The following GPHN variants were observed in gnomAD, a reference collection of about 807,000 sequenced individuals.
GPHN encodes gephyrin.
In GPHN, 17 loss-of-function variants were observed where a neutral mutation model predicts 95.5. The observed-to-expected ratio is 0.18, with a 90% CI of 0.12 to 0.27. GPHN has a LOEUF of 0.27. Ranked by LOEUF, GPHN falls within the 10% of genes least tolerant of loss-of-function variation. The probability of loss-of-function intolerance (pLI) is 1.00; values close to 1 mark genes in which losing one functional copy is unlikely to be tolerated. For synonymous variants in GPHN, 320 were observed against 322.5 expected (o/e 0.99, Z 0.08); for missense variants, 660 against 978.1 (o/e 0.67, Z 4.34).
chr14:66,829,688 A>G (rs1197546640), intron 4 of GPHN, among the ~76,000 whole-genome samples: 1 of 152,186 alleles, frequency 6.6e-6, no homozygotes, highest in Non-Finnish European at 1.5e-5. Context: ...GTATGCTAAT[A>G]TATTATTTTG....
the GPHN span, among the ~76,000 whole-genome samples, chr14:67,632,968 C>G: frequency 6.6e-6 from 1 of 151,520 alleles, no homozygotes; most frequent in East Asian, 1.9e-4. Flanking sequence ...CTACAGGCGC[C>G]CGCCACCACG....
the GPHN span, among the ~76,000 whole-genome samples, chr14:67,602,415 C>T: frequency 3.9e-5 from 6 of 152,046 alleles, no homozygotes; most frequent in African/African-American, 7.3e-5. Flanking sequence ...CACAGAGAGC[C>T]GAACCATATC....
At chr14:67,343,209 C>CTT in the GPHN span, among the ~76,000 whole-genome samples, 598 of 148,218 alleles carry the variant, frequency 4.0e-3, 17 homozygotes, top group East Asian at 0.06. Context: ...CTTCATAACA[C>CTT]TTTTTTTTTT....
chr14:66,723,106 G>A (rs1037785184), intron 2 of GPHN, among the ~76,000 whole-genome samples: 1 of 151,992 alleles, frequency 6.6e-6, no homozygotes, highest in East Asian at 1.9e-4. Context: ...AGGCTTGATT[G>A]CAGTGGCACA....
chr14:67,372,826 CAAAAAA>C, the GPHN span, among the ~76,000 whole-genome samples: 1 of 138,426 alleles, frequency 7.2e-6, no homozygotes, highest in African/African-American at 2.6e-5. Context: ...GACTCCATCT[CAAAAAA>C]AAAAACAAAA....
At chr14:67,697,742 C>A in the GPHN span, among the ~76,000 whole-genome samples, 1 of 152,180 alleles carries the variant, frequency 6.6e-6, no homozygotes, top group Non-Finnish European at 1.5e-5. Flanking sequence ...GGAGCCAAGA[C>A]ACCAAAGGTT....
intron 2 of GPHN, among the ~76,000 whole-genome samples, chr14:66,683,948 C>T (rs1219628856): frequency 6.7e-6 from 1 of 148,976 alleles, no homozygotes; most frequent in East Asian, 2.0e-4. Context: ...CACACTCCAG[C>T]GTGGGCAACA....
the GPHN span, among the ~76,000 whole-genome samples, chr14:67,663,412 G>A: frequency 1.3e-5 from 2 of 152,084 alleles, no homozygotes; most frequent in African/African-American, 4.8e-5. Context: ...GGTGACTCAC[G>A]CCTGTAATCC....
the GPHN span, among the ~76,000 whole-genome samples, chr14:67,500,423 T>G: frequency 1.3e-5 from 2 of 152,018 alleles, no homozygotes; most frequent in African/African-American, 4.8e-5. Flanking sequence ...GCAGGTGAGC[T>G]GAGCTCTCAC....
chr14:67,296,585 CA>C, the GPHN span, among the ~76,000 whole-genome samples: 2,102 of 50,778 alleles, frequency 0.041, 3 homozygotes, highest in Non-Finnish European at 0.11. Flanking sequence ...AACTCTGTCT[CA>C]AAAAAAAAAA....
At chr14:67,723,948 C>G in the GPHN span, among the ~76,000 whole-genome samples, 2 of 152,234 alleles carry the variant, frequency 1.3e-5, no homozygotes, top group South Asian at 4.1e-4. Context: ...GACCCACTCC[C>G]TAAAACTGGA....
intron 3 of GPHN, among the ~76,000 whole-genome samples, chr14:66,799,303 A>C (rs892385410): frequency 6.6e-6 from 1 of 151,966 alleles, no homozygotes; most frequent in African/African-American, 2.4e-5. Context: ...CCATTGTGTG[A>C]AATGATGTGT....
At chr14:67,208,515 T>A in the GPHN span, 7 of 1,507,832 alleles carry the variant, frequency 4.6e-6, no homozygotes, top group Non-Finnish European at 5.4e-6. Context: ...AAATATGTGC[T>A]TTAGTCTCTT....
intron 5 of GPHN, among the ~76,000 whole-genome samples, chr14:66,881,715 T>C (rs983796303): frequency 6.6e-6 from 1 of 151,876 alleles, no homozygotes; most frequent in Non-Finnish European, 1.5e-5. Context: ...TTTCCTGAAT[T>C]AATTTTTTTC....
chr14:67,435,415 C>A, the GPHN span, among the ~76,000 whole-genome samples: 1 of 152,246 alleles, frequency 6.6e-6, no homozygotes. Flanking sequence ...CTCAATACTG[C>A]CACATTGGGG....
chr14:67,193,091 T>C, the GPHN span, among the ~76,000 whole-genome samples: 3 of 144,458 alleles, frequency 2.1e-5, no homozygotes, highest in Non-Finnish European at 1.5e-5. Flanking sequence ...TCTATCTATA[T>C]CTCTATATAT....
chr14:67,186,812 A>G, the GPHN span, among the ~76,000 whole-genome samples: 3 of 152,194 alleles, frequency 2.0e-5, no homozygotes, highest in African/African-American at 7.2e-5. Flanking sequence ...GGAGAGAGAA[A>G]TGTAGTTTGC....
the GPHN span, among the ~76,000 whole-genome samples, chr14:67,709,941 A>T: frequency 3.3e-5 from 5 of 152,206 alleles, no homozygotes; most frequent in Admixed American, 2.0e-4. Context: ...TCCTCTGCTC[A>T]CTGAGATAGA....
At chr14:67,336,129 C>G in the GPHN span, 1 of 152,318 alleles carries the variant, frequency 6.6e-6, no homozygotes, top group Admixed American at 6.5e-5. Context: ...ACCTTATGTG[C>G]AGCCTGGGAT....
Sources: allele counts gnomAD v4.1 joint callset (sites outside exome capture counted in the v4.1 genomes callset), GRCh38; gene constraint gnomAD v4.1.1; transcripts MANE v1.5; gene names NCBI Gene and HGNC (gene_info 2026-07-23, HGNC 2026-07-21).